The following PGS1 variants were observed in gnomAD, a reference collection of about 807,000 sequenced individuals.
The protein encoded by PGS1 is phosphatidylglycerophosphate synthase 1.
Under a neutral mutation model 58.3 loss-of-function variants are expected in PGS1, and 44 were observed. The ratio of observed to expected loss-of-function variants is 0.75; its 90% CI spans 0.59 to 0.97. PGS1 has a LOEUF of 0.97. PGS1 is among the 50% of genes least tolerant of loss of function. The pLI, the probability that PGS1 is intolerant of heterozygous loss-of-function variation, is 0.00. For missense variants in PGS1, 684 were observed against 731.1 expected, an observed-to-expected ratio of 0.94 and a Z score of 0.74; for synonymous variants, 330 against 311.0, an observed-to-expected ratio of 1.06 and a Z score of -0.64.
chr17:78,417,615 G>A (rs1326074329), intron 8 of PGS1, among the ~76,000 whole-genome samples: 1 of 152,094 alleles, frequency 6.6e-6, no homozygotes, highest in Non-Finnish European at 1.5e-5. Flanking sequence ...CCTCCCTCCC[G>A]GCCTCCTGAG....
chr17:78,393,428 G>T (rs1407992114), intron 2 of PGS1, among the ~76,000 whole-genome samples: 1 of 152,196 alleles, frequency 6.6e-6, no homozygotes, highest in Non-Finnish European at 1.5e-5. Flanking sequence ...CACGGGAAGG[G>T]AGGTTGGTGA....
rs117686907 is a variant in PGS1, at chr17:78,414,432, C to T, written c.1403-447C>T. Among the ~76,000 whole-genome samples, 53 of 152,316 alleles carry T rather than the reference C, an allele frequency of 3.5e-4. 1 individual carries two copies. In the East Asian group the frequency reaches 8.9e-3, roughly 25 times the overall value. The stretch of plus-strand genomic sequence containing the variant: ...CAGGAAGGGATGGCCAGTGCAGGCT[C>T]TGAGCTTAGCAGGCAGGGTCAGCAG... On this transcript the variant is annotated intron_variant, in intron 7 of 9. Coordinates refer to ENST00000262764, the MANE Select transcript of PGS1 (RefSeq NM_024419.5).
At chr17:78,384,351 G>A (rs1567935132) in intron 1 of PGS1, among the ~76,000 whole-genome samples, 1 of 152,132 alleles carries the variant, frequency 6.6e-6, no homozygotes, top group Admixed American at 6.6e-5. Flanking sequence ...AGGAAGTACG[G>A]TACCTTCTTG....
In PGS1 at chr17:78,404,026, G is replaced by A. The variant is rs757697307; in HGVS notation, c.1339G>A (p.Gly447Arg). 1 of 1,611,942 alleles carries A rather than the reference G, an allele frequency of 6.2e-7. No individual in the cohort carries two copies. Among genetic ancestry groups the A allele is most frequent in the Admixed American group, 1.7e-5 (1 of 59,964 alleles). The change falls in exon 7 of 10, where the codon GGA (glycine) becomes AGA (arginine). Residue 447 changes from glycine (G) to arginine (R), a missense_variant. Transcript: ENST00000262764. ...RQFFSEVCSL[G>R]QQERVQLQEY... ...GTTCTTCAGTGAGGTGTGCAGCCTG[G>A]GACAGCAGGAGCGGGTCCAGCTTCA...
At chr17:78,421,874 AAAGCAGCCG>A (rs1485728456) in intron 9 of PGS1, 2 of 151,860 alleles carry the variant, frequency 1.3e-5, no homozygotes, top group Admixed American at 6.6e-5. Context: ...CTAACTCTGC[AAAGCAGCCG>A]GAGCAACAGA....
At chr17:78,409,853 A>G (rs1198703304) in intron 7 of PGS1, among the ~76,000 whole-genome samples, 1 of 152,212 alleles carries the variant, frequency 6.6e-6, no homozygotes, top group Non-Finnish European at 1.5e-5. Flanking sequence ...GCTCACACCT[A>G]TAATCCCAGC....
rs567309385 is a variant in PGS1, at chr17:78,399,514, C to T, written c.678C>T (p.Phe226=). Residue 226 remains phenylalanine, a synonymous_variant, in exon 5 of 10, where the codon TTC becomes TTT. Transcript: ENST00000262764. ...IGLQHIKVYL[F]DNSVILSGAN... ...TCCAGCACATTAAGGTGTACCTCTTCGACAACAGCGTCATCTTGAGCGGGT... is the reference window on the plus strand; with the variant it reads ...TCCAGCACATTAAGGTGTACCTCTTTGACAACAGCGTCATCTTGAGCGGGT... 3.3e-5 allele frequency: 54 copies of T among 1,614,190 alleles called. 2 individuals carry two copies. The highest frequency in any genetic ancestry group is 2.8e-4 in the African/African-American group (21 of 75,064).
Position 78,403,779 on chromosome 17 carries a change from C to T in PGS1, c.1092C>T (p.Ile364=), listed in dbSNP as rs372825702. ...LIQMKPFEIQ[I]DEIVTETLLT... ...AGATGAAGCCCTTCGAGATTCAAAT[C>T]GATGAGATTGTCACTGAGACCCTGT... Residue 364 remains isoleucine (I), a synonymous_variant, in exon 7 of 10, where the codon ATC becomes ATT. Coordinates refer to ENST00000262764, the MANE Select transcript of PGS1 (RefSeq NM_024419.5). 13 of 1,614,202 alleles carry T rather than the reference C, an allele frequency of 8.1e-6. No individual in the cohort carries two copies. Among genetic ancestry groups the T allele is most frequent in the African/African-American group, 8.0e-5 (6 of 75,050 alleles).
rs1248220508 is a variant in PGS1, at chr17:78,400,906, G to A, written c.880+51G>A. On this transcript the variant is annotated intron_variant, in intron 6 of 9. Transcript: ENST00000262764. This position sits in a 1 kb window ranked among gnomAD's most constrained non-coding sequence, Gnocchi z 4.4. ...TATGGCTGTGGGTGGGGTGGAGTGA[G>A]GGCCCGGGAGAGCACAACTCTAGGT... 2.7e-6 allele frequency: 4 copies of A among 1,468,222 alleles called. No homozygotes were observed. The highest frequency in any genetic ancestry group is 4.8e-5 in the East Asian group (2 of 41,498). The allele number at this position is 1,468,222 out of a possible 1,614,324, so 90.9% of individuals were successfully genotyped here. A position where few individuals can be genotyped will look rare whatever the true frequency, so the allele number is the denominator to read the frequency against.
intron 7 of PGS1, among the ~76,000 whole-genome samples, chr17:78,412,834 A>G (rs1234440094): frequency 6.6e-6 from 1 of 152,234 alleles, no homozygotes; most frequent in African/African-American, 2.4e-5. Context: ...TGATCTTGTC[A>G]TCAGAAAAGT....
rs2086317620 is a variant in PGS1, at chr17:78,424,456, A to G, written c.*406A>G. 2.8e-6 allele frequency: 1 copy of G among 356,628 alleles called. No individual in the cohort carries two copies. Among genetic ancestry groups the G allele is most frequent in the Non-Finnish European group, 5.1e-6 (1 of 194,494 alleles). 22.1% of individuals were successfully genotyped at this position (356,628 alleles called of 1,614,324 possible). A position where few individuals can be genotyped will look rare whatever the true frequency, so the allele number is the denominator to read the frequency against. On this transcript the variant is annotated 3_prime_UTR_variant, in exon 10 of 10. Coordinates refer to ENST00000262764, the MANE Select transcript of PGS1 (RefSeq NM_024419.5). ...GCCTTAATGTCAGTGGCAGGAAGTC[A>G]TAACTCCAGCTAAAAATTACAGAGT... is the stretch of plus-strand genomic sequence containing the variant.
At chr17:78,383,960 T>C (rs1177323682) in intron 1 of PGS1, among the ~76,000 whole-genome samples, 28 of 152,200 alleles carry the variant, frequency 1.8e-4, no homozygotes, top group Admixed American at 1.8e-3. Flanking sequence ...CGTGATCTGA[T>C]TTATGTAAAC....
intron 7 of PGS1, among the ~76,000 whole-genome samples, chr17:78,411,902 CTTTTTTTTTTTTT>C (rs35472026): frequency 0.013 from 743 of 58,038 alleles, 14 homozygotes; most frequent in African/African-American, 0.053. Flanking sequence ...AGGGCTCCTG[CTTTTTTTTTTTTT>C]TTTTTTTTTT....
At chr17:78,411,527 C>T (rs2146291082) in intron 7 of PGS1, among the ~76,000 whole-genome samples, 1 of 152,314 alleles carries the variant, frequency 6.6e-6, no homozygotes, top group Admixed American at 6.5e-5. Flanking sequence ...CTCTGGCACC[C>T]AGGGCTGCAG....
At chr17:78,394,338 C>T (rs549482225) in intron 2 of PGS1, among the ~76,000 whole-genome samples, 1 of 151,988 alleles carries the variant, frequency 6.6e-6, no homozygotes, top group South Asian at 2.1e-4. Context: ...TCTCCTTTTG[C>T]GCTTTTGTTC....
chr17:78,395,128 C>G (rs377621825), intron 2 of PGS1, among the ~76,000 whole-genome samples: 3 of 152,168 alleles, frequency 2.0e-5, no homozygotes, highest in South Asian at 4.1e-4. Flanking sequence ...GGGCGCACAG[C>G]GAGAAGGGAG....
At chr17:78,390,977 G>T (rs931872894) in intron 1 of PGS1, among the ~76,000 whole-genome samples, 4 of 151,454 alleles carry the variant, frequency 2.6e-5, no homozygotes, top group Admixed American at 2.0e-4. Flanking sequence ...GTCTTGCTCT[G>T]TTGCCCAGGC....
intron 9 of PGS1, chr17:78,423,679 A>C (rs753237874): frequency 1.3e-5 from 7 of 545,330 alleles, no homozygotes; most frequent in Non-Finnish European, 2.3e-5. Flanking sequence ...CATCAGGCAC[A>C]GAATGGATGG....
intron 9 of PGS1, chr17:78,423,806 ACC>A: frequency 6.8e-7 from 1 of 1,463,288 alleles, no homozygotes; most frequent in Non-Finnish European, 9.3e-7. Flanking sequence ...AGAACGAAAA[ACC>A]ACCACCAGTT....
Sources: gnomAD v4.1 joint callset for allele counts (sites outside exome capture counted in the v4.1 genomes callset) on GRCh38, gnomAD v4.1.1 for gene constraint, Gnocchi (gnomAD v3.1) non-coding constraint, MANE v1.5 for transcripts, NCBI Gene and HGNC (gene_info 2026-07-23, HGNC 2026-07-21) for gene names.